The following CACNA2D1 variants were observed in gnomAD, a reference collection of about 807,000 sequenced individuals.
The protein encoded by CACNA2D1 is calcium voltage-gated channel auxiliary subunit alpha2delta 1, also known as voltage-dependent calcium channel subunit alpha-2/delta-1.
Under a neutral mutation model 171.5 loss-of-function variants are expected in CACNA2D1, and 53 were observed. The ratio of observed to expected loss-of-function variants is 0.31; its 90% CI spans 0.25 to 0.39. CACNA2D1 has a LOEUF of 0.39. CACNA2D1 is among the 10% of genes least tolerant of loss of function. The pLI is 1.00. For missense variants in CACNA2D1, 903 were observed against 1,299.8 expected (o/e 0.69, Z 4.69); for synonymous variants, 442 against 443.1 (o/e 1.00, Z 0.03).
At chr7:82,332,557 A>C (rs1424266422) in intron 3 of CACNA2D1, among the ~76,000 whole-genome samples, 9 of 139,066 alleles carry the variant, frequency 6.5e-5, no homozygotes, top group Non-Finnish European at 8.1e-5. Flanking sequence ...AAAGAAAGAA[A>C]GAAAGAAAGA....
intron 1 of CACNA2D1, among the ~76,000 whole-genome samples, chr7:82,359,696 G>C (rs1331623277): frequency 6.6e-6 from 1 of 152,054 alleles, no homozygotes; most frequent in Non-Finnish European, 1.5e-5. Context: ...TCTAAAATAT[G>C]TACAGCCTGT....
At chr7:82,041,419 T>C (rs558832688) in intron 10 of CACNA2D1, among the ~76,000 whole-genome samples, 54 of 152,238 alleles carry the variant, frequency 3.5e-4, no homozygotes, top group Middle Eastern at 6.8e-3. Flanking sequence ...TGGATTTGGA[T>C]GATGATAGTT....
At chr7:82,333,273 A>C (rs1212500297) in intron 3 of CACNA2D1, among the ~76,000 whole-genome samples, 1 of 152,152 alleles carries the variant, frequency 6.6e-6, no homozygotes, top group African/African-American at 2.4e-5. Context: ...ATAAAAGGTA[A>C]AAGTTTAAGA....
chr7:82,412,295 T>G (rs974305673), intron 1 of CACNA2D1, among the ~76,000 whole-genome samples: 18 of 151,094 alleles, frequency 1.2e-4, no homozygotes, highest in Non-Finnish European at 2.2e-4. Context: ...TTTTTTTTTT[T>G]TTTTTGAGAC....
chr7:82,194,012 A>G (rs1283621370), intron 3 of CACNA2D1, among the ~76,000 whole-genome samples: 2 of 152,046 alleles, frequency 1.3e-5, no homozygotes, highest in Admixed American at 6.6e-5. Flanking sequence ...CATCAAAATT[A>G]TAAGGCTACA....
In CACNA2D1 at chr7:82,099,507, C is replaced by T. The variant is rs1321564427; in HGVS notation, c.527-14607G>A. On this transcript the variant is annotated intron_variant, in intron 6 of 38. Coordinates refer to ENST00000356860, the MANE Select transcript of CACNA2D1 (RefSeq NM_000722.4). ...CTCTGTCGCCCAGGCTGGAGTGCAG[C>T]GGCGGGATCTCGGCTCACTGCAAGC... Among the ~76,000 whole-genome samples the T allele has an allele frequency of 3.3e-4, 15 of 45,424 alleles. 3 individuals carry two copies. Among genetic ancestry groups the T allele is most frequent in the East Asian group, 2.5e-3 (3 of 1,204 alleles). 29.8% of individuals were successfully genotyped at this position (45,424 alleles called of 152,430 possible).
At chr7:82,432,946 G>C (rs2368028) in intron 1 of CACNA2D1, among the ~76,000 whole-genome samples, 10,076 of 152,210 alleles carry the variant, frequency 0.066, 370 homozygotes, top group Middle Eastern at 0.1. Flanking sequence ...AGCACTTTGG[G>C]AGGCCAAGGC....
In CACNA2D1 at chr7:81,948,336, T is replaced by A. The variant is rs1268256456; in HGVS notation, c.*2056A>T. 1 of 151,832 alleles carries A rather than the reference T, an allele frequency of 6.6e-6. No homozygotes were observed. Among genetic ancestry groups the A allele is most frequent in the Non-Finnish European group, 1.5e-5 (1 of 67,818 alleles). 9.4% of individuals were successfully genotyped at this position (151,832 alleles called of 1,614,324 possible). On this transcript the variant is annotated 3_prime_UTR_variant, in exon 39 of 39. Coordinates refer to ENST00000356860, the MANE Select transcript of CACNA2D1 (RefSeq NM_000722.4). ...TATATTTTAAATCACTTTGGTGTTTTCTAAAATGTCAATACCAGTTATGAA... is the reference window on the plus strand; with the variant it reads ...TATATTTTAAATCACTTTGGTGTTTACTAAAATGTCAATACCAGTTATGAA...
At chr7:82,044,075 G>A (rs1324832535) in intron 10 of CACNA2D1, among the ~76,000 whole-genome samples, 1 of 152,082 alleles carries the variant, frequency 6.6e-6, no homozygotes, top group Non-Finnish European at 1.5e-5. Context: ...AAATGAGAAA[G>A]GGTCTTACTA....
At chr7:82,283,854 T>C (rs1810428721) in intron 3 of CACNA2D1, among the ~76,000 whole-genome samples, 2 of 152,104 alleles carry the variant, frequency 1.3e-5, no homozygotes, top group South Asian at 4.1e-4. Flanking sequence ...TCTAGAATGA[T>C]CACTTAACTA....
In CACNA2D1 at chr7:82,099,419, CTTCTTTTTTTTTTTT is replaced by C. The variant is rs1290642476; in HGVS notation, c.527-14534_527-14520del. Among the ~76,000 whole-genome samples the C allele has an allele frequency of 1.3e-3, 66 of 50,530 alleles. 8 individuals are homozygous for C. The highest frequency in any genetic ancestry group is 1.4e-3 in the Non-Finnish European group (32 of 22,514). 33.1% of individuals were successfully genotyped at this position (50,530 alleles called of 152,430 possible). On this transcript the variant is annotated intron_variant, in intron 6 of 38. Transcript: ENST00000356860. ...CATACTCTAAAACAGGTAGCAATACCTTCTTTTTTTTTTTTTTTTTTTTTTTTTTTTTTTTTTTTT... is the reference window on the plus strand; with the variant it reads ...CATACTCTAAAACAGGTAGCAATACCTTTTTTTTTTTTTTTTTTTTTTTTT...
At chr7:82,256,668 T>C (rs1481680392) in intron 3 of CACNA2D1, among the ~76,000 whole-genome samples, 1 of 152,180 alleles carries the variant, frequency 6.6e-6, no homozygotes, top group Non-Finnish European at 1.5e-5. Context: ...ACTAATGACT[T>C]TATTGTCTTA....
chr7:81,968,016 TGAAA>T (rs1435173462), intron 29 of CACNA2D1, among the ~76,000 whole-genome samples: 2 of 151,502 alleles, frequency 1.3e-5, no homozygotes, highest in Non-Finnish European at 3.0e-5. Flanking sequence ...AAATCTTTGC[TGAAA>T]GAGTGAACAG....
chr7:82,175,668 G>A (rs1563158875), intron 3 of CACNA2D1, among the ~76,000 whole-genome samples: 1 of 152,000 alleles, frequency 6.6e-6, no homozygotes, highest in Non-Finnish European at 1.5e-5. Flanking sequence ...CAATGAACAT[G>A]CACTGGTAAA....
chr7:82,264,431 T>A (rs1278965761), intron 3 of CACNA2D1, among the ~76,000 whole-genome samples: 1 of 152,202 alleles, frequency 6.6e-6, no homozygotes, highest in Non-Finnish European at 1.5e-5. Flanking sequence ...TTTTATATAT[T>A]TTTCTTTTAA....
At chr7:82,419,434 C>T (rs1828513371) in intron 1 of CACNA2D1, among the ~76,000 whole-genome samples, 2 of 152,118 alleles carry the variant, frequency 1.3e-5, no homozygotes, top group Non-Finnish European at 2.9e-5. Flanking sequence ...AGCCTAATTT[C>T]CGCTCCAGAC....
At chr7:81,986,827 G>C (rs1207633097) in intron 21 of CACNA2D1, among the ~76,000 whole-genome samples, 1 of 152,154 alleles carries the variant, frequency 6.6e-6, no homozygotes, top group African/African-American at 2.4e-5. Flanking sequence ...CTGACAGCAA[G>C]ATGACCTTTC....
At chr7:82,156,145 TA>T (rs1216369957) in intron 4 of CACNA2D1, among the ~76,000 whole-genome samples, 3 of 152,216 alleles carry the variant, frequency 2.0e-5, no homozygotes, top group African/African-American at 7.2e-5. Flanking sequence ...GGCATACTTT[TA>T]AAAAATAATT....
intron 20 of CACNA2D1, among the ~76,000 whole-genome samples, chr7:81,992,598 T>C (rs967471407): frequency 6.6e-6 from 1 of 152,152 alleles, no homozygotes; most frequent in Non-Finnish European, 1.5e-5. Context: ...ATAAATAAAA[T>C]ACAGTATCAG....
Sources: allele counts gnomAD v4.1 joint callset (sites outside exome capture counted in the v4.1 genomes callset), GRCh38; gene constraint gnomAD v4.1.1; transcripts MANE v1.5; gene names NCBI Gene and HGNC (gene_info 2026-07-23, HGNC 2026-07-21).